MGST1: variants seen among roughly 807,000 people sequenced by gnomAD.
MGST1 encodes the protein microsomal glutathione S-transferase 1.
MGST1 carries 5 observed loss-of-function variants against 8.9 expected under a neutral mutation model. The ratio of observed to expected loss-of-function variants is 0.56; its 90% CI spans 0.29 to 1.19. The LOEUF (loss-of-function observed/expected upper bound fraction) is 1.19, where lower values mean the gene tolerates loss of function less well. MGST1 is among the 50% of genes most tolerant of loss of function. The pLI is 0.08. For synonymous variants in MGST1, 54 were observed against 67.8 expected, an observed-to-expected ratio of 0.80 and a Z score of 1.00; for missense variants, 182 against 187.4, an observed-to-expected ratio of 0.97 and a Z score of 0.17.
chr12:16,499,365 G>C (rs1236327387), intron 4 of MGST1, among the ~76,000 whole-genome samples: 1 of 152,090 alleles, frequency 6.6e-6, no homozygotes, highest in Non-Finnish European at 1.5e-5. Flanking sequence ...CTTCCTTTTA[G>C]ATAACTTTTG....
chr12:16,382,557 G>T (rs1940466804), upstream of MGST1, among the ~76,000 whole-genome samples: 1 of 152,164 alleles, frequency 6.6e-6, no homozygotes, highest in Admixed American at 6.5e-5. Context: ...TACTGGGGGG[G>T]TGCCTCCCAG....
chr12:16,516,069 C>A (rs1360202577), intron 4 of MGST1, among the ~76,000 whole-genome samples: 1 of 152,174 alleles, frequency 6.6e-6, no homozygotes, highest in South Asian at 2.1e-4. Flanking sequence ...TTTATTTACT[C>A]ATTTTTTTAA....
intron 4 of MGST1, among the ~76,000 whole-genome samples, chr12:16,512,817 T>C (rs1215195579): frequency 6.6e-6 from 1 of 152,260 alleles, no homozygotes; most frequent in African/African-American, 2.4e-5. Flanking sequence ...ATCTCTATTT[T>C]TTCATTAGGC....
In MGST1 at chr12:16,503,372, C is replaced by T. The variant is rs778094149; in HGVS notation, n.483-86156C>T. Among the ~76,000 whole-genome samples, 5 of 152,000 alleles carry T rather than the reference C, an allele frequency of 3.3e-5. No individual in the cohort carries two copies. Among genetic ancestry groups the T allele is most frequent in the African/African-American group, 1.2e-4 (5 of 41,384 alleles). ...TTTTCCTTTCTTTTATGTTTTATTT[C>T]CAATATTTGTTCTCTTACCCCAGGC... On this transcript the variant is annotated intron_variant and non_coding_transcript_variant, in intron 4 of 4. Coordinates refer to the MGST1 transcript ENST00000538857. The surrounding 1 kb of genome is among the most constrained non-coding windows in gnomAD (Gnocchi z 4.8).
intron 4 of MGST1, among the ~76,000 whole-genome samples, chr12:16,507,940 A>T (rs1226981851): frequency 1.3e-5 from 2 of 152,194 alleles, no homozygotes; most frequent in Non-Finnish European, 2.9e-5. Context: ...TTAGATATTC[A>T]CATTCTTTCA....
Position 16,500,729 on chromosome 12 carries a change from C to G in MGST1, n.483-88799C>G, listed in dbSNP as rs1941500769. 6.6e-6 allele frequency among the ~76,000 whole-genome samples: 1 copy of G among 151,320 alleles called. No individual in the cohort carries two copies. The highest frequency in any genetic ancestry group is 1.5e-5 in the Non-Finnish European group (1 of 67,858). ...GACTGATTGTGAAAGTCATCATTATCTATTAAATATTACTATCATAAGGGC... is the reference window on the plus strand; with the variant it reads ...GACTGATTGTGAAAGTCATCATTATGTATTAAATATTACTATCATAAGGGC... On this transcript the variant is annotated intron_variant and non_coding_transcript_variant, in intron 4 of 4. Transcript: ENST00000538857. This position sits in a 1 kb window ranked among gnomAD's most constrained non-coding sequence, Gnocchi z 4.3.
intron 4 of MGST1, among the ~76,000 whole-genome samples, chr12:16,492,405 C>T (rs1187464068): frequency 1.3e-5 from 2 of 152,084 alleles, no homozygotes; most frequent in African/African-American, 2.4e-5. Flanking sequence ...TATACATTAG[C>T]GCGGTTTGTG....
At chr12:16,391,975 T>C (rs535536611) in intron 1 of MGST1, among the ~76,000 whole-genome samples, 2 of 152,246 alleles carry the variant, frequency 1.3e-5, no homozygotes, top group Non-Finnish European at 2.9e-5. Flanking sequence ...TAGCCAGTTA[T>C]CTTAGCCCCA....
intron 1 of MGST1, among the ~76,000 whole-genome samples, chr12:16,403,753 G>A (rs1336216858): frequency 6.6e-6 from 1 of 152,092 alleles, no homozygotes; most frequent in African/African-American, 2.4e-5. Context: ...TGAAGGGGAA[G>A]CAAGGCACCT....
upstream of MGST1, among the ~76,000 whole-genome samples, chr12:16,382,517 AC>A (rs1194451851): frequency 6.6e-6 from 1 of 152,024 alleles, no homozygotes; most frequent in East Asian, 1.9e-4. Context: ...TCAGAGGAGT[AC>A]CCGGCCGTGT....
At position 16,589,218 on chromosome 12, in the gene MGST1, A is replaced by G. The variant is rs557686830; in HGVS notation, n.483-310A>G. Among the ~76,000 whole-genome samples the G allele has an allele frequency of 5.8e-4, 89 of 152,240 alleles. No individual in the cohort carries two copies. The highest frequency in any genetic ancestry group is 2.1e-3 in the African/African-American group (89 of 41,562). On this transcript the variant is annotated intron_variant and non_coding_transcript_variant, in intron 4 of 4. Coordinates refer to the MGST1 transcript ENST00000538857. This position sits in a 1 kb window ranked among gnomAD's most constrained non-coding sequence, Gnocchi z 4.2. Reference sequence around the variant, plus strand: ...TTTATTTTTTAATGAAGTGATATTCACAGAAGATTATAACAACAGTAGATG... The same window carrying G: ...TTTATTTTTTAATGAAGTGATATTCGCAGAAGATTATAACAACAGTAGATG...
In MGST1 at chr12:16,401,485, A is replaced by C; in HGVS notation, n.778+17881A>C. The C allele has an allele frequency of 1.2e-6, 1 of 838,566 alleles. No individual in the cohort carries two copies. The highest frequency in any genetic ancestry group is 2.1e-6 in the Non-Finnish European group (1 of 486,958). The allele number at this position is 838,566 out of a possible 1,614,324, so 51.9% of individuals were successfully genotyped here. On this transcript the variant is annotated intron_variant and non_coding_transcript_variant, in intron 1 of 1. Coordinates refer to the MGST1 transcript ENST00000359720. This position sits in a 1 kb window ranked among gnomAD's most constrained non-coding sequence, Gnocchi z 4.3. ...CTTCACACCATGTCTTAATTCCTTC[A>C]GCAGCTCTTCTTGAAGCTGGAGTAA...
chr12:16,440,266 C>CACACACACAT (rs969989256), downstream of MGST1, among the ~76,000 whole-genome samples: 4 of 151,624 alleles, frequency 2.6e-5, no homozygotes, highest in Non-Finnish European at 5.9e-5. Context: ...CACACACACA[C>CACACACACAT]ACACATACAC....
At chr12:16,467,289 G>A (rs1242564776) in intron 4 of MGST1, among the ~76,000 whole-genome samples, 1 of 152,192 alleles carries the variant, frequency 6.6e-6, no homozygotes, top group African/African-American at 2.4e-5. Context: ...ACTTGTGAAT[G>A]CTTATTGAAG....
At chr12:16,459,963 C>A (rs1941206555) in intron 4 of MGST1, among the ~76,000 whole-genome samples, 1 of 152,012 alleles carries the variant, frequency 6.6e-6, no homozygotes, top group African/African-American at 2.4e-5. Context: ...ATTTTAAAAC[C>A]TTCTGTCTTG....
At chr12:16,394,968 A>G (rs1450238662) in intron 1 of MGST1, among the ~76,000 whole-genome samples, 2 of 152,108 alleles carry the variant, frequency 1.3e-5, no homozygotes, top group East Asian at 1.9e-4. Context: ...AATTTTATGT[A>G]TAGCAAATAT....
At chr12:16,432,523 A>G (rs1310006294) in intron 1 of MGST1, among the ~76,000 whole-genome samples, 2 of 152,036 alleles carry the variant, frequency 1.3e-5, no homozygotes. Context: ...TCTCCCTCAT[A>G]GTAGCAATGG....
chr12:16,593,301 A>G (rs1386472710), downstream of MGST1, among the ~76,000 whole-genome samples: 3 of 151,830 alleles, frequency 2.0e-5, no homozygotes, highest in African/African-American at 7.2e-5. The surrounding 1 kb of genome is among the most constrained non-coding windows in gnomAD (Gnocchi z 4.2). Context: ...CCAGTTGGAG[A>G]GTTTTAATAT....
chr12:16,452,248 A>G (rs911444631), intron 4 of MGST1, among the ~76,000 whole-genome samples: 7 of 151,804 alleles, frequency 4.6e-5, no homozygotes, highest in African/African-American at 1.4e-4. Context: ...TTTATTTCCT[A>G]TAACATCCCT....
Sources: gnomAD v4.1 joint callset for allele counts (sites outside exome capture counted in the v4.1 genomes callset) on GRCh38, gnomAD v4.1.1 for gene constraint, Gnocchi (gnomAD v3.1) non-coding constraint, MANE v1.5 for transcripts, NCBI Gene and HGNC (gene_info 2026-07-23, HGNC 2026-07-21) for gene names.